The following MYT1L variants were observed in gnomAD, a reference collection of about 807,000 sequenced individuals.
MYT1L encodes myelin transcription factor 1-like protein.
In MYT1L, 12 loss-of-function variants were observed where a neutral mutation model predicts 126.7. The observed-to-expected ratio is 0.09, with a 90% CI of 0.06 to 0.15. The LOEUF is 0.15. Ranked by LOEUF, MYT1L falls within the 10% of genes least tolerant of loss-of-function variation. The pLI, the probability that MYT1L is intolerant of heterozygous loss-of-function variation, is 1.00. For missense variants in MYT1L, 979 were observed against 1,585.2 expected (o/e 0.62, Z 6.49); for synonymous variants, 541 against 604.2 (o/e 0.90, Z 1.53).
At chr2:1,815,825 T>G (rs1255591013) in intron 21 of MYT1L, among the ~76,000 whole-genome samples, 2 of 152,242 alleles carry the variant, frequency 1.3e-5, no homozygotes, top group Non-Finnish European at 2.9e-5. Context: ...TTTTGTCTCT[T>G]CTTAGCCATA....
At chr2:2,070,121 C>A (rs2074413659) in intron 3 of MYT1L, among the ~76,000 whole-genome samples, 1 of 151,938 alleles carries the variant, frequency 6.6e-6, no homozygotes, top group South Asian at 2.1e-4. Flanking sequence ...AAAAATCTAG[C>A]TGATCCTTTT....
intron 3 of MYT1L, among the ~76,000 whole-genome samples, chr2:2,106,346 C>A (rs533291192): frequency 6.6e-6 from 1 of 152,134 alleles, no homozygotes; most frequent in Non-Finnish European, 1.5e-5. Flanking sequence ...GTGTGGTGGC[C>A]CTTGCCTGTA....
At chr2:1,810,568 T>C (rs1367815590) in intron 21 of MYT1L, among the ~76,000 whole-genome samples, 1 of 152,218 alleles carries the variant, frequency 6.6e-6, no homozygotes, top group Non-Finnish European at 1.5e-5. Flanking sequence ...TAGTGATATA[T>C]CTAGAAACAC....
intron 4 of MYT1L, among the ~76,000 whole-genome samples, chr2:2,052,472 C>T (rs2068946186): frequency 1.3e-5 from 2 of 152,264 alleles, no homozygotes; most frequent in Admixed American, 6.5e-5. Context: ...GTTTGTGTGT[C>T]AAGGGACACT....
At chr2:1,828,988 G>A (rs1414052344) in intron 21 of MYT1L, among the ~76,000 whole-genome samples, 2 of 152,128 alleles carry the variant, frequency 1.3e-5, no homozygotes, top group Non-Finnish European at 2.9e-5. Context: ...GAACTGAAGT[G>A]GTGGCAAAAA....
intron 3 of MYT1L, among the ~76,000 whole-genome samples, chr2:2,170,806 T>C (rs2089931283): frequency 6.6e-6 from 1 of 152,214 alleles, no homozygotes; most frequent in Admixed American, 6.5e-5. Context: ...AGAGGCTCTA[T>C]GTCTGCGCCC....
chr2:1,839,144 C>T lies in MYT1L; in HGVS notation c.3080+5G>A, dbSNP rs1558710535. The T allele has an allele frequency of 6.2e-7, 1 of 1,603,614 alleles. No individual in the cohort carries two copies. Among genetic ancestry groups the T allele is most frequent in the East Asian group, 2.2e-5 (1 of 44,532 alleles). ...AGCCAGGGTCCCGCAGACGCGGCCA[C>T]TCACCTGCGGTGTGTGAGGAAGCTG... On this transcript the variant is annotated splice_donor_5th_base_variant and intron_variant, in intron 21 of 24. Coordinates refer to ENST00000647738, the MANE Select transcript of MYT1L (RefSeq NM_001303052.2).
intron 1 of MYT1L, among the ~76,000 whole-genome samples, chr2:2,287,275 T>C (rs2095535686): frequency 6.6e-6 from 1 of 152,078 alleles, no homozygotes; most frequent in Admixed American, 6.6e-5. Flanking sequence ...AGTATTTGAA[T>C]CCTTTTTAAA....
chr2:2,268,789 G>C (rs757674156), intron 2 of MYT1L, among the ~76,000 whole-genome samples: 1 of 152,000 alleles, frequency 6.6e-6, no homozygotes, highest in Admixed American at 6.6e-5. Flanking sequence ...CAACATCCCT[G>C]CCTCGAAATC....
At chr2:1,968,643 G>C (rs1034331839) in intron 8 of MYT1L, among the ~76,000 whole-genome samples, 6 of 152,166 alleles carry the variant, frequency 3.9e-5, no homozygotes, top group Non-Finnish European at 7.4e-5. Flanking sequence ...CCAGAGGCTT[G>C]CGAAGGCTCA....
At chr2:2,285,270 G>C (rs2095504343) in intron 1 of MYT1L, among the ~76,000 whole-genome samples, 1 of 152,146 alleles carries the variant, frequency 6.6e-6, no homozygotes, top group Non-Finnish European at 1.5e-5. Flanking sequence ...AGGTTCAATA[G>C]GGACCTCAAA....
At position 1,922,503 on chromosome 2, in the gene MYT1L, C is replaced by T; in HGVS notation, c.1266G>A (p.Glu422=). 1 of 1,613,942 alleles carries T rather than the reference C, an allele frequency of 6.2e-7. No homozygotes were observed. The highest frequency in any genetic ancestry group is 8.5e-7 in the Non-Finnish European group (1 of 1,179,886). Reference sequence around the variant, plus strand: ...GGTTCCCCTTGGTCATGTCGAACACCTCTTCAGACCTGTCCGAGTTCACAG... The same window carrying T: ...GGTTCCCCTTGGTCATGTCGAACACTTCTTCAGACCTGTCCGAGTTCACAG... ...TTSVNSDRSE[E]VFDMTKGNLT... Residue 422 remains glutamate (E), a synonymous_variant, in exon 10 of 25, where the codon GAG becomes GAA. Coordinates refer to ENST00000647738, the MANE Select transcript of MYT1L (RefSeq NM_001303052.2). This position sits in a 1 kb window ranked among gnomAD's most constrained non-coding sequence, Gnocchi z 7.4.
At chr2:2,040,101 G>A (rs773454434) in intron 4 of MYT1L, among the ~76,000 whole-genome samples, 1 of 152,176 alleles carries the variant, frequency 6.6e-6, no homozygotes, top group African/African-American at 2.4e-5. Flanking sequence ...GCTGATCACA[G>A]CTGGCGATAT....
chr2:1,823,936 G>A (rs1433172997), intron 21 of MYT1L, among the ~76,000 whole-genome samples: 3 of 152,210 alleles, frequency 2.0e-5, no homozygotes, highest in African/African-American at 7.2e-5. Flanking sequence ...TGACCATTAC[G>A]TGGCACAGTG....
Position 1,886,529 on chromosome 2 carries a change from T to C in MYT1L, c.2711+10A>G, listed in dbSNP as rs759801771. 6.4e-7 allele frequency: 1 copy of C among 1,563,844 alleles called. No homozygotes were observed. Among genetic ancestry groups the C allele is most frequent in the Non-Finnish European group, 8.6e-7 (1 of 1,156,174 alleles). On this transcript the variant is annotated intron_variant, in intron 18 of 24. Coordinates refer to ENST00000647738, the MANE Select transcript of MYT1L (RefSeq NM_001303052.2). ...ATTTTTAAAAGAGAATTATTGTCAT[T>C]AAATCTTACTTGAGTTCTTGGGAGC...
chr2:2,253,961 A>G lies in MYT1L; in HGVS notation c.-421+30443T>C, dbSNP rs139580563. On this transcript the variant is annotated intron_variant, in intron 2 of 24. Transcript: ENST00000647738. The stretch of plus-strand genomic sequence containing the variant: ...GAAAAGATTACATAGTTTGGGAAAA[A>G]TGCTCCAAAATATACATAAAGACAC... Among the ~76,000 whole-genome samples, 439 of 152,308 alleles carry G rather than the reference A, an allele frequency of 2.9e-3. 2 individuals are homozygous for G. Among genetic ancestry groups the G allele is most frequent in the African/African-American group, 0.01 (424 of 41,554 alleles).
intron 3 of MYT1L, among the ~76,000 whole-genome samples, chr2:2,140,355 C>T (rs1459799745): frequency 6.6e-6 from 1 of 151,448 alleles, no homozygotes; most frequent in Non-Finnish European, 1.5e-5. Flanking sequence ...TTTAACAGTG[C>T]ACTTATTCTG....
At chr2:2,115,011 A>G (rs753929176) in intron 3 of MYT1L, among the ~76,000 whole-genome samples, 41 of 152,218 alleles carry the variant, frequency 2.7e-4, no homozygotes, top group Non-Finnish European at 2.6e-4. Flanking sequence ...CATACACAGC[A>G]GAGCGTTCAG....
rs140831841 is a variant in MYT1L, at chr2:1,912,830, A to C, written c.1619-720T>G. The stretch of plus-strand genomic sequence containing the variant: ...TGGTCGGCAGGGGAGAGCTGCTTGA[A>C]TTTTCCCAGCAGTGGTGTTGGACCT... On this transcript the variant is annotated intron_variant, in intron 11 of 24. Transcript: ENST00000647738. The surrounding 1 kb of genome is among the most constrained non-coding windows in gnomAD (Gnocchi z 4.3). Among the ~76,000 whole-genome samples, 953 of 152,006 alleles carry C rather than the reference A, an allele frequency of 6.3e-3. 5 individuals are homozygous for C. Among genetic ancestry groups the C allele is most frequent in the Middle Eastern group, 0.024 (7 of 294 alleles).
Sources: allele counts gnomAD v4.1 joint callset (sites outside exome capture counted in the v4.1 genomes callset), GRCh38; gene constraint gnomAD v4.1.1; non-coding constraint Gnocchi (gnomAD v3.1); transcripts MANE v1.5; gene names NCBI Gene and HGNC (gene_info 2026-07-23, HGNC 2026-07-21).